The following RPS6KC1 variants were observed in gnomAD, a reference collection of about 807,000 sequenced individuals.
The protein encoded by RPS6KC1 is ribosomal protein S6 kinase C1.
Under a neutral mutation model 103.8 loss-of-function variants are expected in RPS6KC1, and 54 were observed. The ratio of observed to expected loss-of-function variants is 0.52; its 90% CI spans 0.42 to 0.65. The LOEUF (loss-of-function observed/expected upper bound fraction) is 0.65, where lower values mean the gene tolerates loss of function less well. Ranked by LOEUF, RPS6KC1 falls within the 30% of genes least tolerant of loss-of-function variation. RPS6KC1 has a pLI of 0.00. For synonymous variants in RPS6KC1, 439 were observed against 438.7 expected (o/e 1.00, Z -0.01); for missense variants, 1,151 against 1,253.8 (o/e 0.92, Z 1.24).
the RPS6KC1 span, among the ~76,000 whole-genome samples, chr1:213,466,549 T>C: frequency 1.3e-5 from 2 of 152,292 alleles, no homozygotes; most frequent in Admixed American, 6.5e-5. Flanking sequence ...AAGGAGGGGA[T>C]GAGATGACAT....
the RPS6KC1 span, among the ~76,000 whole-genome samples, chr1:213,549,612 C>CTTTTTTTTTTTTTTTTTTT: frequency 2.3e-5 from 2 of 86,912 alleles, no homozygotes; most frequent in African/African-American, 4.9e-5. Context: ...TTTTCTTTTC[C>CTTTTTTTTTTTTTTTTTTT]TTTTTTTTTT....
the RPS6KC1 span, among the ~76,000 whole-genome samples, chr1:213,359,409 G>A: frequency 1.6e-4 from 24 of 152,018 alleles, 1 homozygote; most frequent in Non-Finnish European, 1.5e-5. Flanking sequence ...CATTTGCTTG[G>A]TAGATCTTCC....
chr1:213,822,180 TTG>T, the RPS6KC1 span: 6 of 152,190 alleles, frequency 3.9e-5, no homozygotes, highest in African/African-American at 1.4e-4. Context: ...ACACTACACT[TTG>T]TCTGTCCTTC....
the RPS6KC1 span, among the ~76,000 whole-genome samples, chr1:213,651,721 G>T: frequency 6.6e-6 from 1 of 152,188 alleles, no homozygotes. Context: ...GGAGTTTTCT[G>T]TTCCTTTCTA....
At chr1:213,369,257 C>G in the RPS6KC1 span, among the ~76,000 whole-genome samples, 1 of 152,208 alleles carries the variant, frequency 6.6e-6, no homozygotes, top group Admixed American at 6.5e-5. Context: ...CCTTCCTGCA[C>G]CTTGGCTTGT....
the RPS6KC1 span, among the ~76,000 whole-genome samples, chr1:213,305,985 G>A: frequency 2.6e-5 from 4 of 152,200 alleles, no homozygotes; most frequent in African/African-American, 9.6e-5. Flanking sequence ...ATTAGGATAA[G>A]CTAGGTAATG....
the RPS6KC1 span, among the ~76,000 whole-genome samples, chr1:213,375,745 C>T: frequency 6.6e-6 from 1 of 152,220 alleles, no homozygotes; most frequent in East Asian, 1.9e-4. Flanking sequence ...GGCCAGGGCT[C>T]AGAAACAGCA....
At chr1:213,071,327 C>T (rs1399785571) in intron 2 of RPS6KC1, among the ~76,000 whole-genome samples, 2 of 152,084 alleles carry the variant, frequency 1.3e-5, no homozygotes, top group Non-Finnish European at 2.9e-5. Context: ...TGGGGTTTTA[C>T]CACGTTGGCC....
intron 14 of RPS6KC1, among the ~76,000 whole-genome samples, chr1:213,265,797 A>T (rs1008364422): frequency 2.0e-5 from 3 of 152,206 alleles, no homozygotes; most frequent in Admixed American, 2.0e-4. Context: ...ATTTGGTAAT[A>T]CCCAAGTGAA....
the RPS6KC1 span, among the ~76,000 whole-genome samples, chr1:213,586,710 T>C: frequency 2.0e-5 from 3 of 152,156 alleles, no homozygotes; most frequent in Admixed American, 6.5e-5. Context: ...CCCACCTCCT[T>C]TGGCCTCAAA....
chr1:213,092,486 A>G (rs1291121650), intron 3 of RPS6KC1, among the ~76,000 whole-genome samples: 5 of 148,952 alleles, frequency 3.4e-5, no homozygotes, highest in Admixed American at 1.4e-4. Context: ...CCTGGCTAAC[A>G]TGGTGAAACC....
intron 3 of RPS6KC1, among the ~76,000 whole-genome samples, chr1:213,096,312 C>G (rs1442470575): frequency 1.3e-5 from 2 of 152,190 alleles, no homozygotes; most frequent in Non-Finnish European, 2.9e-5. Flanking sequence ...CTTGCTATTT[C>G]TACCACATCT....
chr1:213,837,003 A>T, the RPS6KC1 span, among the ~76,000 whole-genome samples: 3 of 152,192 alleles, frequency 2.0e-5, no homozygotes, highest in Non-Finnish European at 4.4e-5. Context: ...ATTAAATCTC[A>T]ACTGGTCTGG....
chr1:213,694,329 T>G, the RPS6KC1 span, among the ~76,000 whole-genome samples: 175 of 152,334 alleles, frequency 1.1e-3, 2 homozygotes, highest in African/African-American at 3.4e-3. Flanking sequence ...TGTCCTTTTT[T>G]CCTCTCTCTA....
intron 6 of RPS6KC1, among the ~76,000 whole-genome samples, chr1:213,155,617 C>T (rs191996073): frequency 1.6e-4 from 24 of 152,302 alleles, no homozygotes; most frequent in African/African-American, 5.8e-4. Flanking sequence ...GCACCATGCT[C>T]CAGTAGGAGC....
the RPS6KC1 span, among the ~76,000 whole-genome samples, chr1:213,466,732 T>C: frequency 6.6e-6 from 1 of 152,298 alleles, no homozygotes; most frequent in East Asian, 1.9e-4. Flanking sequence ...GCAGTGTCTC[T>C]GGTTCAGAGT....
At chr1:213,573,588 G>A in the RPS6KC1 span, among the ~76,000 whole-genome samples, 1 of 152,186 alleles carries the variant, frequency 6.6e-6, no homozygotes, top group African/African-American at 2.4e-5. Flanking sequence ...GTCACTCTTT[G>A]CAATGTCATT....
At chr1:213,377,715 G>A in the RPS6KC1 span, among the ~76,000 whole-genome samples, 4 of 152,112 alleles carry the variant, frequency 2.6e-5, no homozygotes, top group Non-Finnish European at 5.9e-5. Context: ...CATTCAATAC[G>A]ACAAGGCTAA....
At chr1:213,461,482 A>G in the RPS6KC1 span, among the ~76,000 whole-genome samples, 5 of 152,230 alleles carry the variant, frequency 3.3e-5, no homozygotes, top group African/African-American at 9.6e-5. Flanking sequence ...GAAAATCTTA[A>G]GCAAAAAGAC....
Sources: allele counts gnomAD v4.1 joint callset (sites outside exome capture counted in the v4.1 genomes callset), GRCh38; gene constraint gnomAD v4.1.1; transcripts MANE v1.5; gene names NCBI Gene and HGNC (gene_info 2026-07-23, HGNC 2026-07-21).